Variants in PARVA observed in about 807,000 individuals in gnomAD.
The protein encoded by PARVA is alpha-parvin.
Under a neutral mutation model 52.6 loss-of-function variants are expected in PARVA, and 25 were observed. The observed-to-expected ratio is 0.48, with a 90% CI of 0.35 to 0.66. The LOEUF (loss-of-function observed/expected upper bound fraction) is 0.66, where lower values mean the gene tolerates loss of function less well. Among genes scored for constraint, PARVA ranks in the 30% least tolerant of loss-of-function variants. The probability of loss-of-function intolerance (pLI) is 0.01; values close to 1 mark genes in which losing one functional copy is unlikely to be tolerated. For synonymous variants in PARVA, 185 were observed against 179.1 expected (o/e 1.03, Z -0.26); for missense variants, 373 against 450.9 (o/e 0.83, Z 1.56).
At chr11:12,462,824 C>T (rs777406638) in intron 1 of PARVA, among the ~76,000 whole-genome samples, 1 of 152,122 alleles carries the variant, frequency 6.6e-6, no homozygotes, top group South Asian at 2.1e-4. Context: ...TAGGAGGAAG[C>T]TCTGTCTTCT....
intron 4 of PARVA, among the ~76,000 whole-genome samples, chr11:12,489,035 G>A (rs916976720): frequency 1.3e-5 from 2 of 151,912 alleles, no homozygotes; most frequent in African/African-American, 2.4e-5. Context: ...AGAAACTGTT[G>A]AGCTATAGAC....
chr11:12,380,446 G>T (rs117815289), intron 1 of PARVA, among the ~76,000 whole-genome samples: 1 of 150,826 alleles, frequency 6.6e-6, no homozygotes, highest in African/African-American at 2.5e-5. Flanking sequence ...GAAATATGCA[G>T]ACAGAGCAAG....
At chr11:12,466,433 A>G (rs1940855579) in intron 1 of PARVA, among the ~76,000 whole-genome samples, 1 of 151,692 alleles carries the variant, frequency 6.6e-6, no homozygotes, top group South Asian at 2.1e-4. Flanking sequence ...CAGCCTCCCA[A>G]GTAGCTGGGA....
intron 10 of PARVA, among the ~76,000 whole-genome samples, chr11:12,516,072 C>T (rs1014475063): frequency 6.6e-6 from 1 of 152,216 alleles, no homozygotes; most frequent in African/African-American, 2.4e-5. Context: ...CTCCTGAGCT[C>T]AAGCGATCCG....
intron 1 of PARVA, among the ~76,000 whole-genome samples, chr11:12,426,534 T>G (rs1237529900): frequency 1.3e-5 from 2 of 148,164 alleles, no homozygotes; most frequent in Non-Finnish European, 2.9e-5. Flanking sequence ...TAAAGCCAGT[T>G]TATTGCTCCA....
intron 12 of PARVA, among the ~76,000 whole-genome samples, chr11:12,522,207 A>G (rs991619120): frequency 2.3e-4 from 35 of 152,208 alleles, no homozygotes; most frequent in Non-Finnish European, 1.2e-4. Context: ...CATAAATTGA[A>G]GCATATTCAT....
chr11:12,509,131 A>T (rs1941473223), intron 7 of PARVA, among the ~76,000 whole-genome samples: 1 of 150,240 alleles, frequency 6.7e-6, no homozygotes, highest in African/African-American at 2.5e-5. Context: ...GAACCTATCA[A>T]AATTTTGCCA....
At chr11:12,383,928 C>T (rs896789900) in intron 1 of PARVA, among the ~76,000 whole-genome samples, 11 of 152,106 alleles carry the variant, frequency 7.2e-5, no homozygotes, top group Non-Finnish European at 1.5e-4. Context: ...TTGTCCATAG[C>T]CCCTAAAACC....
At chr11:12,392,857 C>A (rs975284005) in intron 1 of PARVA, among the ~76,000 whole-genome samples, 1 of 152,002 alleles carries the variant, frequency 6.6e-6, no homozygotes, top group Non-Finnish European at 1.5e-5. Flanking sequence ...ATCTCCTTCA[C>A]TCATTTTTTA....
intron 1 of PARVA, among the ~76,000 whole-genome samples, chr11:12,389,066 G>C (rs1939621348): frequency 6.6e-6 from 1 of 152,118 alleles, no homozygotes; most frequent in Non-Finnish European, 1.5e-5. Context: ...CCCTCTGATA[G>C]GTTGCTTGGA....
At chr11:12,412,218 C>T (rs1241461821) in intron 1 of PARVA, among the ~76,000 whole-genome samples, 3 of 152,224 alleles carry the variant, frequency 2.0e-5, no homozygotes, top group Non-Finnish European at 4.4e-5. Flanking sequence ...ATCCTCTATT[C>T]CTCATGTCCA....
intron 3 of PARVA, among the ~76,000 whole-genome samples, chr11:12,474,435 C>A (rs1334871735): frequency 6.6e-6 from 1 of 152,038 alleles, no homozygotes; most frequent in East Asian, 1.9e-4. Flanking sequence ...ACATACTGTG[C>A]ATTACGTACC....
In PARVA at chr11:12,511,532, T is replaced by C. The variant is rs774021214; in HGVS notation, c.735T>C (p.His245=). ...CCTCCAGGGCTCTTTCCGGGAGGCA[T>C]GGTAAGTCACATAAGATTGTCCTCT... is the stretch of plus-strand genomic sequence containing the variant. ...TGNTEALSGR[H]ERDAFDTLFD... is the part of the protein sequence containing the mutation. The change falls in exon 8 of 13, where the codon CAT becomes CAC. Residue 245 remains histidine (H), a splice_region_variant and synonymous_variant. Coordinates refer to ENST00000334956, the MANE Select transcript of PARVA (RefSeq NM_018222.5). 2.0e-5 allele frequency: 32 copies of C among 1,613,330 alleles called. No homozygotes were observed. The Middle Eastern group carries it at 2.1e-3, about 108-fold the overall frequency.
intron 4 of PARVA, 131 bp downstream of exon 4, chr11:12,478,080 T>C (rs1022800803): frequency 1.3e-5 from 10 of 743,514 alleles, no homozygotes; most frequent in Admixed American, 5.7e-5. Flanking sequence ...GTGTGGAGCA[T>C]GGAATAACAG....
At chr11:12,509,897 G>A (rs146586367) in intron 7 of PARVA, among the ~76,000 whole-genome samples, 109 of 152,240 alleles carry the variant, frequency 7.2e-4, no homozygotes, top group African/African-American at 2.5e-3. Flanking sequence ...TGCTGGGCTT[G>A]CCTGTGCCCA....
intron 12 of PARVA, among the ~76,000 whole-genome samples, chr11:12,524,963 C>T (rs2135091086): frequency 6.6e-6 from 1 of 152,354 alleles, no homozygotes; most frequent in Admixed American, 6.5e-5. Context: ...GAAGGCCTCC[C>T]TCCAGGAGCC....
Position 12,532,004 on chromosome 11 carries a change from C to T in PARVA, c.*4079C>T, listed in dbSNP as rs539495013. On this transcript the variant is annotated 3_prime_UTR_variant, in exon 13 of 13. Transcript: ENST00000334956. ...TACCAGAGTTTCGACTGTGTTTTTA[C>T]TCTCTGCTCCCTGAAAACTGTAACC... Among the ~76,000 whole-genome samples, 1 of 152,290 alleles carries T rather than the reference C, an allele frequency of 6.6e-6. No individual in the cohort carries two copies. The highest frequency in any genetic ancestry group is 1.9e-4 in the East Asian group (1 of 5,182).
chr11:12,501,553 T>C (rs1941363901), intron 5 of PARVA, among the ~76,000 whole-genome samples: 1 of 152,208 alleles, frequency 6.6e-6, no homozygotes. Flanking sequence ...GCAGTTGTAC[T>C]TTTTTCATCA....
At chr11:12,495,756 G>A (rs1362432013) in intron 4 of PARVA, among the ~76,000 whole-genome samples, 1 of 152,074 alleles carries the variant, frequency 6.6e-6, no homozygotes, top group East Asian at 1.9e-4. Flanking sequence ...TTGTTGCTGA[G>A]AATTTTTATT....
Sources: allele counts gnomAD v4.1 joint callset (sites outside exome capture counted in the v4.1 genomes callset), GRCh38; gene constraint gnomAD v4.1.1; transcripts MANE v1.5; gene names NCBI Gene and HGNC (gene_info 2026-07-23, HGNC 2026-07-21).